The following GMDS variants were observed in gnomAD, a reference collection of about 807,000 sequenced individuals.
The protein encoded by GMDS is GDP-mannose 4,6-dehydratase.
GMDS carries 20 observed loss-of-function variants against 49.9 expected under a neutral mutation model. The observed-to-expected ratio is 0.40, with a 90% CI of 0.28 to 0.58. GMDS has a LOEUF of 0.58. Ranked by LOEUF, GMDS falls within the 20% of genes least tolerant of loss-of-function variation. The pLI is 0.42. For missense variants in GMDS, 362 were observed against 481.4 expected (o/e 0.75, Z 2.32); for synonymous variants, 177 against 178.6 (o/e 0.99, Z 0.07).
intron 4 of GMDS, among the ~76,000 whole-genome samples, chr6:2,006,655 T>G (rs545228397): frequency 8.6e-4 from 131 of 152,300 alleles, no homozygotes; most frequent in African/African-American, 3.0e-3. Context: ...AAAACACACT[T>G]TTCAACATCA....
intron 7 of GMDS, among the ~76,000 whole-genome samples, chr6:1,891,719 G>A (rs1476511806): frequency 2.6e-5 from 4 of 152,246 alleles, no homozygotes; most frequent in East Asian, 1.9e-4. Context: ...ATGCACATTC[G>A]TGGGTCCCAC....
At chr6:1,913,405 AAAAAG>A (rs1246142402) in intron 7 of GMDS, among the ~76,000 whole-genome samples, 5 of 150,478 alleles carry the variant, frequency 3.3e-5, no homozygotes, top group Non-Finnish European at 4.5e-5. Flanking sequence ...AAAAAAAAAA[AAAAAG>A]AAAGTTTGCA....
chr6:2,235,829 A>T (rs1419623056), intron 1 of GMDS, among the ~76,000 whole-genome samples: 1 of 151,044 alleles, frequency 6.6e-6, no homozygotes, highest in Non-Finnish European at 1.5e-5. Context: ...TAAAAAAAAT[A>T]AGAAAAAAAA....
chr6:1,821,788 T>C (rs1035684302), intron 7 of GMDS, among the ~76,000 whole-genome samples: 1 of 152,072 alleles, frequency 6.6e-6, no homozygotes, highest in African/African-American at 2.4e-5. Flanking sequence ...CCTAGTTTTT[T>C]CCCCAATTAG....
At chr6:2,012,356 C>T (rs1767614634) in intron 4 of GMDS, among the ~76,000 whole-genome samples, 1 of 152,034 alleles carries the variant, frequency 6.6e-6, no homozygotes, top group Non-Finnish European at 1.5e-5. Flanking sequence ...GAGATTTTCA[C>T]ACTAGATAAA....
chr6:2,101,468 T>C (rs543856115), intron 4 of GMDS, among the ~76,000 whole-genome samples: 8 of 152,088 alleles, frequency 5.3e-5, no homozygotes, highest in East Asian at 1.9e-4. Context: ...GCCAACAAAG[T>C]TGCACCACCA....
chr6:1,827,103 TGTGTGTG>T (rs1771150578), intron 7 of GMDS, among the ~76,000 whole-genome samples: 2 of 150,034 alleles, frequency 1.3e-5, no homozygotes, highest in South Asian at 4.2e-4. Flanking sequence ...TGTGTGTGTG[TGTGTGTG>T]TGTGTGTGTG....
rs55653041 is a variant in GMDS, at chr6:1,747,476, T to A, written c.772-4890A>T. Among the ~76,000 whole-genome samples the A allele has an allele frequency of 5.1e-5, 6 of 118,762 alleles. No individual in the cohort carries two copies. In the East Asian group the frequency reaches 1.7e-3, roughly 33 times the overall value. The allele number at this position is 118,762 out of a possible 152,430, so 77.9% of individuals were successfully genotyped here. ...CTTAAAACTACACACACACACACGC[T>A]CATGCGTGTGCGCGCACACACACAC... On this transcript the variant is annotated intron_variant, in intron 7 of 10. Transcript: ENST00000380815.
chr6:2,235,889 A>C (rs751895736), intron 1 of GMDS, among the ~76,000 whole-genome samples: 1 of 151,900 alleles, frequency 6.6e-6, no homozygotes, highest in Non-Finnish European at 1.5e-5. Context: ...TTTCAGGAAC[A>C]AGGCAAACAA....
chr6:2,097,328 C>T lies in GMDS; in HGVS notation c.345+18443G>A, dbSNP rs183415927. 2.0e-4 allele frequency among the ~76,000 whole-genome samples: 31 copies of T among 152,156 alleles called. 1 individual carries two copies. Among genetic ancestry groups the T allele is most frequent in the South Asian group, 1.2e-3 (6 of 4,816 alleles). On this transcript the variant is annotated intron_variant, in intron 4 of 10. Transcript: ENST00000380815. ...GATGGCTCTAGTCAAAGCCCCTCGG[C>T]GACTGAGCATTATCACCTATCTAGG...
intron 6 of GMDS, among the ~76,000 whole-genome samples, chr6:1,945,829 C>A (rs1322794356): frequency 6.6e-6 from 1 of 152,178 alleles, no homozygotes; most frequent in Non-Finnish European, 1.5e-5. Flanking sequence ...CACAGAAAAG[C>A]GGACTTAACA....
intron 1 of GMDS, among the ~76,000 whole-genome samples, chr6:2,133,278 T>C (rs1775837708): frequency 6.6e-6 from 1 of 152,220 alleles, no homozygotes; most frequent in South Asian, 2.1e-4. Flanking sequence ...AATGTTTCCT[T>C]GTGCATTTCT....
At chr6:2,174,464 A>T (rs890509549) in intron 1 of GMDS, among the ~76,000 whole-genome samples, 1 of 152,216 alleles carries the variant, frequency 6.6e-6, no homozygotes, top group African/African-American at 2.4e-5. Context: ...TAAATTTTTT[A>T]AAACTTTATT....
At chr6:2,157,321 T>C (rs1025971900) in intron 1 of GMDS, among the ~76,000 whole-genome samples, 9 of 152,206 alleles carry the variant, frequency 5.9e-5, no homozygotes, top group Admixed American at 2.6e-4. Context: ...AGACCTCCAC[T>C]AAGATAGTCA....
At chr6:1,973,196 G>C (rs1482402653) in intron 4 of GMDS, among the ~76,000 whole-genome samples, 1 of 152,130 alleles carries the variant, frequency 6.6e-6, no homozygotes. Flanking sequence ...TCATTCAATA[G>C]GTTCCTGACC....
At chr6:2,219,746 T>A (rs923201245) in intron 1 of GMDS, among the ~76,000 whole-genome samples, 11 of 152,016 alleles carry the variant, frequency 7.2e-5, no homozygotes, top group African/African-American at 2.7e-4. Context: ...AAAAAAAAAT[T>A]CCCTCTGATT....
At chr6:1,791,742 A>G (rs1769550812) in intron 7 of GMDS, among the ~76,000 whole-genome samples, 1 of 152,254 alleles carries the variant, frequency 6.6e-6, no homozygotes, top group African/African-American at 2.4e-5. Context: ...TGGTGTTTTT[A>G]GGAAAGATTA....
intron 4 of GMDS, among the ~76,000 whole-genome samples, chr6:2,095,395 T>C (rs1773538137): frequency 6.6e-6 from 1 of 152,204 alleles, no homozygotes; most frequent in Non-Finnish European, 1.5e-5. Flanking sequence ...CAATTCTGTA[T>C]TTTCCTGCAA....
At chr6:2,162,289 G>A (rs773718591) in intron 1 of GMDS, among the ~76,000 whole-genome samples, 3 of 152,244 alleles carry the variant, frequency 2.0e-5, no homozygotes, top group South Asian at 2.1e-4. Context: ...AAGCCACAGC[G>A]TAGGGAGGCC....
Sources: gnomAD v4.1 joint callset for allele counts (sites outside exome capture counted in the v4.1 genomes callset) on GRCh38, gnomAD v4.1.1 for gene constraint, MANE v1.5 for transcripts, NCBI Gene and HGNC (gene_info 2026-07-23, HGNC 2026-07-21) for gene names.